Variants in PARP16 observed in about 807,000 individuals in gnomAD.
PARP16 encodes the protein protein mono-ADP-ribosyltransferase PARP16.
In PARP16, 31 loss-of-function variants were observed where a neutral mutation model predicts 35.0. That is an observed-to-expected ratio of 0.88 (90% CI 0.66 to 1.19). PARP16 has a LOEUF of 1.19. Among genes scored for constraint, PARP16 ranks in the 50% most tolerant of loss-of-function variants. The probability of loss-of-function intolerance (pLI) is 0.00; values close to 1 mark genes in which losing one functional copy is unlikely to be tolerated. For synonymous variants in PARP16, 162 were observed against 169.5 expected (o/e 0.96, Z 0.34); for missense variants, 424 against 411.2 (o/e 1.03, Z -0.27).
At chr15:65,271,185 C>T in intron 1 of PARP16, 113 bp from the exon 2 acceptor site, 4 of 961,576 alleles carry the variant, frequency 4.2e-6, no homozygotes, top group Non-Finnish European at 4.9e-6. Flanking sequence ...AAGGGATCTC[C>T]TGAGAGGAAA....
At chr15:65,232,951 T>G (rs2088797892), downstream of PARP16, among the ~76,000 whole-genome samples, 1 of 152,056 alleles carries the variant, frequency 6.6e-6, no homozygotes, top group African/African-American at 2.4e-5. Flanking sequence ...GTGGTGCCAC[T>G]GCACTCCAGC....
chr15:65,270,916 C>T lies in PARP16; in HGVS notation c.312+19G>A, dbSNP rs2090072147. The T allele has an allele frequency of 1.9e-6, 3 of 1,613,248 alleles. No homozygotes were observed. The highest frequency in any genetic ancestry group is 2.7e-5 in the African/African-American group (2 of 74,906). ...CCTTAGGCCCCTAAAATCTGTGATG[C>T]TACGGACCAAAGTCTCACCTCTGCC... On this transcript the variant is annotated intron_variant, in intron 2 of 5. Transcript: ENST00000649807.
At chr15:65,276,503 A>G (rs1358866501) in intron 1 of PARP16, among the ~76,000 whole-genome samples, 1 of 152,104 alleles carries the variant, frequency 6.6e-6, no homozygotes, top group Non-Finnish European at 1.5e-5. Flanking sequence ...CCTCCAGAGT[A>G]GCTGGGACTA....
chr15:65,236,471 A>G (rs1472840552), intron 3 of PARP16, among the ~76,000 whole-genome samples: 2 of 152,220 alleles, frequency 1.3e-5, no homozygotes, highest in Non-Finnish European at 2.9e-5. Flanking sequence ...TGCTAACTCA[A>G]TGAAGTGGGT....
chr15:65,253,633 A>G (rs1159508809), downstream of PARP16, among the ~76,000 whole-genome samples: 2 of 151,778 alleles, frequency 1.3e-5, no homozygotes, highest in African/African-American at 4.8e-5. Context: ...CCCGGCCTTC[A>G]TTCTCTTTTT....
intron 3 of PARP16, among the ~76,000 whole-genome samples, chr15:65,236,628 G>A (rs1013039950): frequency 1.6e-4 from 25 of 152,222 alleles, no homozygotes; most frequent in African/African-American, 6.0e-4. Context: ...GCTAGGGCCA[G>A]GCCCCTGGGC....
In PARP16 at chr15:65,250,105, GC is replaced by G. The variant is rs201034948; in HGVS notation, c.203-1878del. 8.9e-3 allele frequency among the ~76,000 whole-genome samples: 837 copies of G among 94,008 alleles called. 97 individuals are homozygous for G. The highest frequency in any genetic ancestry group is 0.016 in the Admixed American group (105 of 6,500). The allele number at this position is 94,008 out of a possible 152,430, so 61.7% of individuals were successfully genotyped here. ...TCTAGCTGCAGCCTTGCACCTGCTT[GC>G]CTTTTTTTTTTTTTTTTTTTTTTTT... On this transcript the variant is annotated intron_variant and NMD_transcript_variant, in intron 2 of 3. Transcript: ENST00000559805.
At chr15:65,274,199 C>T (rs1194682421) in intron 1 of PARP16, among the ~76,000 whole-genome samples, 1 of 151,730 alleles carries the variant, frequency 6.6e-6, no homozygotes, top group Non-Finnish European at 1.5e-5. Context: ...CTGCCTCAGC[C>T]TCCCAAAGTG....
rs191902924 is a variant in PARP16, at chr15:65,260,418, C to A, written c.833+467G>T. 8.7e-4 allele frequency among the ~76,000 whole-genome samples: 133 copies of A among 152,200 alleles called. 1 individual carries two copies. The East Asian group carries it at 0.017, about 20-fold the overall frequency. On this transcript the variant is annotated intron_variant, in intron 5 of 5. Transcript: ENST00000649807. ...CCACATCTGCTATTGAGTTCAAGGC[C>A]CTCATTTTAGAGATAAAGATGAAGC...
chr15:65,271,259 G>GT (rs999849825), intron 1 of PARP16, among the ~76,000 whole-genome samples, 187 bp from the exon 2 acceptor site: 35 of 147,116 alleles, frequency 2.4e-4, no homozygotes, highest in East Asian at 5.9e-4. Flanking sequence ...AATCTGAAAG[G>GT]TTTTTTTTTT....
chr15:65,239,948 G>A (rs1274146771), intron 3 of PARP16, among the ~76,000 whole-genome samples: 2 of 73,908 alleles, frequency 2.7e-5, no homozygotes, highest in Non-Finnish European at 5.2e-5. Context: ...GAGCCACCGC[G>A]TCTGACCTTT....
At chr15:65,278,338 T>C (rs1222742047) in intron 1 of PARP16, among the ~76,000 whole-genome samples, 1 of 152,232 alleles carries the variant, frequency 6.6e-6, no homozygotes, top group Admixed American at 6.5e-5. Context: ...AAGCTGTCTT[T>C]TTAATTTCCC....
intron 3 of PARP16, among the ~76,000 whole-genome samples, chr15:65,246,613 T>A (rs2140754938): frequency 1.3e-5 from 2 of 152,296 alleles, no homozygotes; most frequent in South Asian, 4.1e-4. Context: ...ACATCCTGCC[T>A]CACTGGGTAG....
chr15:65,268,869 C>T (rs2089992078), intron 2 of PARP16, among the ~76,000 whole-genome samples: 1 of 152,174 alleles, frequency 6.6e-6, no homozygotes, highest in Non-Finnish European at 1.5e-5. Flanking sequence ...ATTCTCCTAC[C>T]TCAGCCTCCC....
At chr15:65,274,881 C>T (rs2090200855) in intron 1 of PARP16, among the ~76,000 whole-genome samples, 6 of 151,944 alleles carry the variant, frequency 3.9e-5, no homozygotes, top group Admixed American at 1.3e-4. Context: ...TTTGGGAGGC[C>T]GAGGCAGGCG....
rs34811236 is a variant in PARP16 at position 65,240,323 on chromosome 15, AGTGTGTGT to A, written c.*98-5508_*98-5501del. On this transcript the variant is annotated intron_variant and NMD_transcript_variant, in intron 3 of 3. Transcript: ENST00000559805. ...GTGTGTGTGTGTGGTGGGGGGGGCT[AGTGTGTGT>A]GTGTGTGTGTGTGTGTGTGTGTGTG... Among the ~76,000 whole-genome samples the A allele has an allele frequency of 4.3e-3, 539 of 126,114 alleles. 4 individuals are homozygous for A. The highest frequency in any genetic ancestry group is 0.013 in the African/African-American group (423 of 32,036). The allele number at this position is 126,114 out of a possible 152,430, so 82.7% of individuals were successfully genotyped here.
At chr15:65,232,873 A>G (rs564119527), downstream of PARP16, among the ~76,000 whole-genome samples, 33 of 150,644 alleles carry the variant, frequency 2.2e-4, no homozygotes, top group African/African-American at 8.1e-4. Context: ...CCTAGCCAAC[A>G]TAGTGAGAGC....
At position 65,271,074 on chromosome 15, in the gene PARP16, T is replaced by A; in HGVS notation, c.175-2A>T. On this transcript the variant is annotated splice_acceptor_variant, in intron 1 of 5. Transcript: ENST00000649807. LOFTEE classifies it high-confidence loss of function. ...AGGTAACTTGCTGGCATCTGCAAGC[T>A]GAAGCGACGGAAGAACTTCCATTAG... is the stretch of plus-strand genomic sequence containing the variant. The A allele has an allele frequency of 6.2e-7, 1 of 1,614,004 alleles. No individual in the cohort carries two copies. Among genetic ancestry groups the A allele is most frequent in the Non-Finnish European group, 8.5e-7 (1 of 1,179,940 alleles).
At chr15:65,283,847 C>T (rs947971116) in intron 1 of PARP16, among the ~76,000 whole-genome samples, 3 of 152,232 alleles carry the variant, frequency 2.0e-5, no homozygotes, top group African/African-American at 4.8e-5. Context: ...TACCCAAGGT[C>T]CTGATACACC....
Sources: gnomAD v4.1 joint callset for allele counts (sites outside exome capture counted in the v4.1 genomes callset) on GRCh38, gnomAD v4.1.1 for gene constraint, MANE v1.5 for transcripts, NCBI Gene and HGNC (gene_info 2026-07-23, HGNC 2026-07-21) for gene names.